CDS2: variants seen among roughly 807,000 people sequenced by gnomAD.
The protein encoded by CDS2 is phosphatidate cytidylyltransferase 2.
In CDS2, 47 loss-of-function variants were observed where a neutral mutation model predicts 59.0. The ratio of observed to expected loss-of-function variants is 0.80; its 90% CI spans 0.63 to 1.02. The LOEUF is 1.02. Among genes scored for constraint, CDS2 ranks in the 50% least tolerant of loss-of-function variants. CDS2 has a pLI of 0.00. For missense variants in CDS2, 356 were observed against 558.9 expected, an observed-to-expected ratio of 0.64 and a Z score of 3.66; for synonymous variants, 207 against 206.4, an observed-to-expected ratio of 1.00 and a Z score of -0.02.
At chr20:5,133,638 C>G (rs1457809045) in intron 1 of CDS2, among the ~76,000 whole-genome samples, 1 of 152,166 alleles carries the variant, frequency 6.6e-6, no homozygotes. Context: ...AGCAATTCTC[C>G]TGCCTCAGCC....
intron 1 of CDS2, among the ~76,000 whole-genome samples, chr20:5,154,891 G>A (rs906075345): frequency 4.6e-5 from 7 of 152,288 alleles, no homozygotes; most frequent in Middle Eastern, 3.4e-3. Context: ...CAAGCGATCC[G>A]CCTGCCTTGG....
chr20:5,135,448 GTT>G (rs2090641971), intron 1 of CDS2, among the ~76,000 whole-genome samples: 1 of 149,656 alleles, frequency 6.7e-6, no homozygotes, highest in African/African-American at 2.6e-5. Context: ...AAGTACAGCT[GTT>G]TGTGTGTCAT....
At chr20:5,141,757 C>T (rs763951757) in intron 1 of CDS2, among the ~76,000 whole-genome samples, 5 of 152,132 alleles carry the variant, frequency 3.3e-5, no homozygotes, top group Non-Finnish European at 5.9e-5. Flanking sequence ...CTGAAGCTAT[C>T]TCTAGGCAAA....
intron 1 of CDS2, among the ~76,000 whole-genome samples, chr20:5,171,189 G>T (rs886174099): frequency 5.3e-5 from 8 of 152,258 alleles, no homozygotes; most frequent in African/African-American, 1.9e-4. Flanking sequence ...GGTCCAGAGA[G>T]GCTCTTAGCA....
At chr20:5,170,462 GTTCT>G (rs10558875) in intron 1 of CDS2, among the ~76,000 whole-genome samples, 22,156 of 152,124 alleles carry the variant, frequency 0.15, 2,076 homozygotes, top group African/African-American at 0.26. Context: ...AGGCCTCCAG[GTTCT>G]TTCTCTCAGG....
chr20:5,157,587 C>T (rs924607388), intron 1 of CDS2, among the ~76,000 whole-genome samples: 7 of 152,140 alleles, frequency 4.6e-5, no homozygotes, highest in Non-Finnish European at 8.8e-5. Context: ...GTTTATTTCT[C>T]ATTGTTTTGG....
intron 1 of CDS2, chr20:5,128,658 T>G (rs1568524237): frequency 6.6e-6 from 1 of 152,224 alleles, no homozygotes; most frequent in Non-Finnish European, 1.5e-5. Context: ...AGCAGTCGCT[T>G]GCAGAGACAA....
At chr20:5,153,862 T>C (rs2090811728) in intron 1 of CDS2, among the ~76,000 whole-genome samples, 1 of 152,208 alleles carries the variant, frequency 6.6e-6, no homozygotes, top group South Asian at 2.1e-4. Flanking sequence ...TGTGACTGAG[T>C]CAGAGACATT....
chr20:5,133,549 G>A (rs144093998), intron 1 of CDS2, among the ~76,000 whole-genome samples: 2 of 151,164 alleles, frequency 1.3e-5, no homozygotes, highest in African/African-American at 2.4e-5. Flanking sequence ...TTTTTGAGAC[G>A]AAGTTTCGCT....
At chr20:5,171,461 C>T (rs1377153144) in intron 1 of CDS2, among the ~76,000 whole-genome samples, 2 of 152,132 alleles carry the variant, frequency 1.3e-5, no homozygotes, top group Non-Finnish European at 2.9e-5. Context: ...TTTGAAGCCC[C>T]GAGGTTTTAG....
intron 3 of CDS2, 182 bp from the exon 4 acceptor site, chr20:5,176,466 C>A (rs1172480584): frequency 1.7e-6 from 1 of 583,090 alleles, no homozygotes; most frequent in Non-Finnish European, 3.1e-6. Context: ...CTCCCTGTGA[C>A]ATAGAGGGCT....
intron 2 of CDS2, among the ~76,000 whole-genome samples, chr20:5,174,961 T>C (rs2090983785): frequency 1.3e-5 from 2 of 152,190 alleles, no homozygotes; most frequent in African/African-American, 2.4e-5. Context: ...CTTTAAGATA[T>C]AAGCTAGGTT....
chr20:5,189,459 G>C (rs1285655517), intron 11 of CDS2, among the ~76,000 whole-genome samples: 1 of 152,200 alleles, frequency 6.6e-6, no homozygotes, highest in Non-Finnish European at 1.5e-5. Context: ...AGCACTTTAA[G>C]AGGCCAAGGC....
chr20:5,170,877 GAT>G (rs2090951400), intron 1 of CDS2, among the ~76,000 whole-genome samples: 1 of 152,140 alleles, frequency 6.6e-6, no homozygotes, highest in Non-Finnish European at 1.5e-5. Context: ...TGACAAAGGG[GAT>G]ATCACCACCG....
Position 5,173,527 on chromosome 20 carries a change from C to G in CDS2, c.62C>G (p.Ser21Ter). The change falls in exon 2 of 13, where the codon TCA (serine) becomes TGA (stop). Residue 21 changes from serine to a stop codon, truncating the protein, a stop_gained. Transcript: ENST00000460006. LOFTEE classifies it high-confidence loss of function. Reference protein sequence around the residue: ...EPVAPPEDKESESEAKVDGET... With the variant: ...EPVAPPEDKE ...TTCTGTATTTCTGCCACTTAGGAGT[C>G]AGAGTCAGAAGCAAAGGTAGATGGA... is the stretch of plus-strand genomic sequence containing the variant. 3 of 1,614,136 alleles carry G rather than the reference C, an allele frequency of 1.9e-6. No individual in the cohort carries two copies. Among genetic ancestry groups the G allele is most frequent in the Non-Finnish European group, 2.5e-6 (3 of 1,179,986 alleles).
intron 1 of CDS2, among the ~76,000 whole-genome samples, chr20:5,158,624 A>G (rs938418785): frequency 6.6e-6 from 1 of 152,232 alleles, no homozygotes; most frequent in Non-Finnish European, 1.5e-5. Flanking sequence ...CTTTTCTATT[A>G]ACAGTAAAGC....
At chr20:5,163,420 C>T (rs550168774) in intron 1 of CDS2, among the ~76,000 whole-genome samples, 2 of 152,146 alleles carry the variant, frequency 1.3e-5, no homozygotes, top group Non-Finnish European at 2.9e-5. Flanking sequence ...GGCCACCACT[C>T]CCTGCTAATT....
At chr20:5,156,478 A>G (rs566556451) in intron 1 of CDS2, among the ~76,000 whole-genome samples, 6 of 152,208 alleles carry the variant, frequency 3.9e-5, no homozygotes, top group Non-Finnish European at 7.4e-5. Flanking sequence ...TCCACAGAAG[A>G]GAGGCTGAAT....
At chr20:5,146,097 A>G (rs1013034988) in intron 1 of CDS2, among the ~76,000 whole-genome samples, 1 of 152,206 alleles carries the variant, frequency 6.6e-6, no homozygotes, top group Non-Finnish European at 1.5e-5. Context: ...TGTTGGGATT[A>G]CAGACATGAA....
Sources: gnomAD v4.1 joint callset for allele counts (sites outside exome capture counted in the v4.1 genomes callset) on GRCh38, gnomAD v4.1.1 for gene constraint, MANE v1.5 for transcripts, NCBI Gene and HGNC (gene_info 2026-07-23, HGNC 2026-07-21) for gene names.